Variants in TPRG1 observed in about 807,000 individuals in gnomAD.
The protein encoded by TPRG1 is tumor protein p63 regulated 1.
A neutral mutation model predicts 29.3 loss-of-function variants in TPRG1; 29 were observed. The ratio of observed to expected loss-of-function variants is 0.99; its 90% confidence interval spans 0.74 to 1.35. The LOEUF is 1.35. Among genes scored for constraint, TPRG1 ranks in the 40% most tolerant of loss-of-function variants. TPRG1 has a pLI of 0.00. For synonymous variants in TPRG1, 130 were observed against 116.8 expected (o/e 1.11, Z -0.73); for missense variants, 327 against 335.0 (o/e 0.98, Z 0.19).
At chr3:189,086,780 A>G (rs1021538832) in intron 4 of TPRG1, among the ~76,000 whole-genome samples, 3 of 152,074 alleles carry the variant, frequency 2.0e-5, no homozygotes, top group Non-Finnish European at 4.4e-5. Flanking sequence ...TTCTTGCAAT[A>G]GTTTGCTGAG....
chr3:189,046,028 G>A (rs926198480), intron 4 of TPRG1, among the ~76,000 whole-genome samples: 2 of 152,224 alleles, frequency 1.3e-5, no homozygotes, highest in Non-Finnish European at 2.9e-5. Context: ...CCCGAGTGCA[G>A]GGCCTCAGTA....
intron 4 of TPRG1, among the ~76,000 whole-genome samples, chr3:189,251,736 G>C (rs900984698): frequency 9.3e-5 from 14 of 150,532 alleles, no homozygotes; most frequent in Admixed American, 7.3e-4. Context: ...ATTGTTGCCC[G>C]CATGTCCCAC....
At chr3:189,064,183 G>A (rs1241595922) in intron 4 of TPRG1, among the ~76,000 whole-genome samples, 2 of 152,108 alleles carry the variant, frequency 1.3e-5, no homozygotes, top group South Asian at 2.1e-4. Context: ...GACTACAGTT[G>A]CTGAAGATCC....
intron 4 of TPRG1, among the ~76,000 whole-genome samples, chr3:189,036,263 A>C (rs755376544): frequency 3.9e-5 from 6 of 152,062 alleles, no homozygotes; most frequent in Non-Finnish European, 7.4e-5. Context: ...ACCACTAGAG[A>C]GGGGAGGGTA....
At chr3:189,153,845 T>C (rs1191304434) in intron 5 of TPRG1, among the ~76,000 whole-genome samples, 2 of 152,178 alleles carry the variant, frequency 1.3e-5, no homozygotes, top group Non-Finnish European at 2.9e-5. Context: ...ATCTGGACTA[T>C]GGCAGAAGAC....
chr3:189,145,010 T>C (rs1407535115), intron 3 of TPRG1, among the ~76,000 whole-genome samples: 4 of 152,206 alleles, frequency 2.6e-5, no homozygotes, highest in Non-Finnish European at 5.9e-5. Flanking sequence ...CCTTTTATTC[T>C]GTTCAATATT....
At position 189,112,366 on chromosome 3, in the gene TPRG1, T is replaced by G. The variant is rs190668383; in HGVS notation, c.-744+12162T>G. ...TGGTAGTTTCTTTTGCTGTGCAGAA[T>G]CTCTTTAGTTTAATTAGATCCCATT... On this transcript the variant is annotated intron_variant, in intron 1 of 6. Transcript: ENST00000412373. Among the ~76,000 whole-genome samples, 737 of 152,200 alleles carry G rather than the reference T, an allele frequency of 4.8e-3. 2 individuals are homozygous for G. Among genetic ancestry groups the G allele is most frequent in the African/African-American group, 0.014 (585 of 41,562 alleles).
At position 189,147,893 on chromosome 3, in the gene TPRG1, C is replaced by T. The variant is rs560594058; in HGVS notation, c.-227+246C>T. ...CAGTGGATGTGGGTGGTCGTTCTTC[C>T]CAAGTGCTGAAAAGATGGTCACCTT... On this transcript the variant is annotated intron_variant, in intron 4 of 6. Coordinates refer to the TPRG1 transcript ENST00000412373. 3.3e-5 allele frequency among the ~76,000 whole-genome samples: 5 copies of T among 152,264 alleles called. No individual in the cohort carries two copies. The East Asian group carries it at 9.7e-4, about 29-fold the overall frequency.
rs1372040341 is a variant in TPRG1 at position 189,315,562 on chromosome 3, T to C, written c.633+5023T>C. 1.1e-5 allele frequency: 5 copies of C among 452,214 alleles called. No individual in the cohort carries two copies. The East Asian group carries it at 3.5e-4, about 32-fold the overall frequency. 28.0% of individuals were successfully genotyped at this position (452,214 alleles called of 1,614,324 possible). A position where few individuals can be genotyped will look rare whatever the true frequency, so the allele number is the denominator to read the frequency against. ...CTGATGAATAGCAGTGAACGCATTA[T>C]GTGTGCCCTACAACCATCATGATCT... On this transcript the variant is annotated intron_variant, in intron 5 of 5. Transcript: ENST00000345063.
intron 3 of TPRG1, among the ~76,000 whole-genome samples, chr3:189,006,496 C>T (rs776627524): frequency 6.6e-6 from 1 of 152,096 alleles, no homozygotes; most frequent in Non-Finnish European, 1.5e-5. Flanking sequence ...TGGGGAGCAG[C>T]CATGGCTTCT....
At chr3:189,147,193 C>A (rs1313300900) in intron 3 of TPRG1, among the ~76,000 whole-genome samples, 1 of 152,206 alleles carries the variant, frequency 6.6e-6, no homozygotes, top group Non-Finnish European at 1.5e-5. Context: ...GTGATCCCAT[C>A]TCCAGGGTAG....
intron 4 of TPRG1, among the ~76,000 whole-genome samples, chr3:189,149,170 G>C (rs1389253988): frequency 6.6e-6 from 1 of 152,124 alleles, no homozygotes. Context: ...TATATGACCT[G>C]GTCCCTGGCC....
chr3:189,207,022 A>T (rs1734500345), intron 1 of TPRG1: 1 of 206,400 alleles, frequency 4.8e-6, no homozygotes, highest in Non-Finnish European at 8.5e-6. Flanking sequence ...ATAAGCTTGC[A>T]GTCTGGTGAA....
intron 4 of TPRG1, among the ~76,000 whole-genome samples, chr3:189,288,739 T>C (rs2109187301): frequency 6.6e-6 from 1 of 152,336 alleles, no homozygotes; most frequent in South Asian, 2.1e-4. Flanking sequence ...TAGACTTCAT[T>C]ATGATGCATA....
At chr3:189,233,936 C>CAAT (rs1739060221) in intron 3 of TPRG1, among the ~76,000 whole-genome samples, 1 of 152,112 alleles carries the variant, frequency 6.6e-6, no homozygotes, top group Non-Finnish European at 1.5e-5. Flanking sequence ...AGTGGTGCTA[C>CAAT]AATAGCTCAC....
chr3:189,253,920 C>T (rs369372877), intron 4 of TPRG1, among the ~76,000 whole-genome samples: 8 of 152,206 alleles, frequency 5.3e-5, no homozygotes, highest in East Asian at 1.9e-4. Flanking sequence ...TGTCTGTTTA[C>T]ATCCTTCACC....
intron 4 of TPRG1, among the ~76,000 whole-genome samples, chr3:189,244,049 G>A (rs1300770906): frequency 1.3e-5 from 2 of 152,022 alleles, no homozygotes; most frequent in Non-Finnish European, 2.9e-5. Context: ...TATCTTTATA[G>A]TAATGCCCTA....
intron 4 of TPRG1, among the ~76,000 whole-genome samples, chr3:189,253,563 G>A (rs896639106): frequency 1.4e-4 from 21 of 152,262 alleles, no homozygotes; most frequent in East Asian, 1.2e-3. Flanking sequence ...GTAAACATAC[G>A]TGTGCATGTG....
At chr3:189,053,967 A>G (rs1320601368) in intron 4 of TPRG1, among the ~76,000 whole-genome samples, 3 of 152,234 alleles carry the variant, frequency 2.0e-5, no homozygotes, top group African/African-American at 7.2e-5. Flanking sequence ...TCATTGAAGT[A>G]GCACTTTCAA....
Sources: gnomAD v4.1 joint callset for allele counts (sites outside exome capture counted in the v4.1 genomes callset) on GRCh38, gnomAD v4.1.1 for gene constraint, MANE v1.5 for transcripts, NCBI Gene and HGNC (gene_info 2026-07-23, HGNC 2026-07-21) for gene names.